RUSC1: variants seen among roughly 807,000 people sequenced by gnomAD.
RUSC1 encodes the protein RUN and SH3 domain containing 1.
Under a neutral mutation model 72.1 loss-of-function variants are expected in RUSC1, and 40 were observed. The observed-to-expected ratio is 0.55, with a 90% CI of 0.43 to 0.72. RUSC1 has a LOEUF of 0.72. Ranked by LOEUF, RUSC1 falls within the 30% of genes least tolerant of loss-of-function variation. The pLI, the probability that RUSC1 is intolerant of heterozygous loss-of-function variation, is 0.00. For missense variants in RUSC1, 1,092 were observed against 1,172.3 expected (o/e 0.93, Z 1.00); for synonymous variants, 512 against 494.2 (o/e 1.04, Z -0.48).
Position 155,325,059 on chromosome 1 carries a change from G to A in RUSC1, c.1457-43G>A. 1 of 1,614,154 alleles carries A rather than the reference G, an allele frequency of 6.2e-7. No homozygotes were observed. Among genetic ancestry groups the A allele is most frequent in the Non-Finnish European group, 8.5e-7 (1 of 1,179,990 alleles). On this transcript the variant is annotated intron_variant, in intron 3 of 9. Coordinates refer to ENST00000368352, the MANE Select transcript of RUSC1 (RefSeq NM_001105203.2). The surrounding 1 kb of genome is among the most constrained non-coding windows in gnomAD (Gnocchi z 6.5). ...CACGCCCCTCGGGCAAGCCTGGGTA[G>A]GGGCGCGGCCTCCTAGCGTCTTCCC...
Position 155,322,108 on chromosome 1 carries a change from T to C in RUSC1, c.335T>C (p.Leu112Pro), listed in dbSNP as rs1404646820. 1.9e-6 allele frequency: 3 copies of C among 1,612,176 alleles called. No homozygotes were observed. In the African/African-American group the frequency reaches 4.0e-5, roughly 22 times the overall value. ...TCCTCACTCAGCTCCTGCTCAGATC[T>C]TAGCCCCGATGAGTCCCCTGTCTCA... The part of the protein sequence containing the change: ...CSSSLSSCSD[L>P]SPDESPVSVY... The change falls in exon 2 of 10, where the codon CTT becomes CCT. Residue 112 changes from leucine (L) to proline (P), a missense_variant. By Grantham distance (98) the Leu-to-Pro change is moderately conservative. Transcript: ENST00000368352.
At chr1:155,324,110 C>A in intron 2 of RUSC1, 1 of 1,209,916 alleles carries the variant, frequency 8.3e-7, no homozygotes, top group South Asian at 1.9e-5. Flanking sequence ...GGGGTCCCAG[C>A]GAGTCTGTTG....
chr1:155,327,152 T>C lies in RUSC1; in HGVS notation c.2414+20T>C. The C allele has an allele frequency of 6.4e-7, 1 of 1,571,982 alleles. No individual in the cohort carries two copies. Among genetic ancestry groups the C allele is most frequent in the East Asian group, 2.3e-5 (1 of 44,342 alleles). The stretch of plus-strand genomic sequence containing the variant: ...GTCCAGGTAATGGGGTACCTTGTCC[T>C]TTCTATGACCTTCTGACTCTCTCAG... On this transcript the variant is annotated intron_variant, in intron 8 of 9. Coordinates refer to ENST00000368352, the MANE Select transcript of RUSC1 (RefSeq NM_001105203.2).
intron 1 of RUSC1, 179 bp from the exon 2 acceptor site, chr1:155,321,509 C>T (rs1369997377): frequency 3.4e-6 from 5 of 1,472,520 alleles, no homozygotes; most frequent in African/African-American, 2.8e-5. Flanking sequence ...TTACATTCGA[C>T]TCCATCTGCA....
Position 155,326,192 on chromosome 1 carries a change from C to A in RUSC1, c.1861+282C>A. On this transcript the variant is annotated intron_variant, in intron 7 of 9. Coordinates refer to ENST00000368352, the MANE Select transcript of RUSC1 (RefSeq NM_001105203.2). The surrounding 1 kb of genome is among the most constrained non-coding windows in gnomAD (Gnocchi z 4.7). ...GCTCCAGGGCCCTGCTTATGCTGTT[C>A]CTCTACCTTCTGCCCCTCCTGCTTC... 1.8e-6 allele frequency: 1 copy of A among 567,910 alleles called. No individual in the cohort carries two copies. Among genetic ancestry groups the A allele is most frequent in the Non-Finnish European group, 3.1e-6 (1 of 318,416 alleles). 35.2% of individuals were successfully genotyped at this position (567,910 alleles called of 1,614,324 possible).
chr1:155,328,338 G>C, intron 9 of RUSC1, 63 bp downstream of exon 9: 1 of 1,477,066 alleles, frequency 6.8e-7, no homozygotes, highest in African/African-American at 1.4e-5. Flanking sequence ...GCATGGATGG[G>C]AGGTAGTGTA....
chr1:155,321,412 C>G (rs761893688), intron 1 of RUSC1: 1 of 1,397,288 alleles, frequency 7.2e-7, no homozygotes. Context: ...CCATTCTGGG[C>G]CCGGACCTCT....
intron 2 of RUSC1, chr1:155,324,637 G>T: frequency 6.6e-7 from 1 of 1,521,012 alleles, no homozygotes; most frequent in Non-Finnish European, 8.8e-7. Flanking sequence ...ATGGGGCTGG[G>T]GGACAGCGAG....
At position 155,330,660 on chromosome 1, in the gene RUSC1, C is replaced by G. The variant is rs145621229; in HGVS notation, c.*89C>G. 1.4e-4 allele frequency: 178 copies of G among 1,302,008 alleles called. No homozygotes were observed. The East Asian group carries it at 4.4e-3, about 32-fold the overall frequency. The allele number at this position is 1,302,008 out of a possible 1,614,324, so 80.7% of individuals were successfully genotyped here. A position where few individuals can be genotyped will look rare whatever the true frequency, so the allele number is the denominator to read the frequency against. The stretch of plus-strand genomic sequence containing the variant: ...ACACCATCCCAGAAGCATTTTCCCT[C>G]TGCAAAATGACGTTTCTTCCCACGT... On this transcript the variant is annotated 3_prime_UTR_variant, in exon 10 of 10. Coordinates refer to ENST00000368352, the MANE Select transcript of RUSC1 (RefSeq NM_001105203.2).
In RUSC1 at chr1:155,324,233, C is replaced by T. The variant is rs971986503; in HGVS notation, c.1358-612C>T. 21 of 1,447,850 alleles carry T rather than the reference C, an allele frequency of 1.5e-5. No homozygotes were observed. In the African/African-American group the frequency reaches 2.7e-4, roughly 19 times the overall value. 89.7% of individuals were successfully genotyped at this position (1,447,850 alleles called of 1,614,324 possible). Reference sequence around the variant, plus strand: ...GGTGAAGCTCCCGGGAGCTCATTGGCACTAGAGGTTCTGGCCACGCCCTCT... The same window carrying T: ...GGTGAAGCTCCCGGGAGCTCATTGGTACTAGAGGTTCTGGCCACGCCCTCT... On this transcript the variant is annotated intron_variant, in intron 2 of 9. Transcript: ENST00000368352.
At position 155,326,627 on chromosome 1, in the gene RUSC1, C is replaced by G. The variant is rs1428988257; in HGVS notation, c.1909C>G (p.Arg637Gly). The G allele has an allele frequency of 6.2e-7, 1 of 1,613,970 alleles. No homozygotes were observed. Reference sequence around the variant, plus strand: ...GCCAACAGGATTTTTCTCCCTGGCCCGCGGTGGTTGTCCCTCCCTGTCCAC... The same window carrying G: ...GCCAACAGGATTTTTCTCCCTGGCCGGCGGTGGTTGTCCCTCCCTGTCCAC... ...YLPTGFFSLA[R>G]GGCPSLSTEL... is the part of the protein sequence containing the mutation. Residue 637 changes from arginine (R) to glycine (G), a missense_variant, in exon 8 of 10, where the codon CGC becomes GGC. Arg to Gly is a moderately radical substitution (Grantham distance 125). Coordinates refer to ENST00000368352, the MANE Select transcript of RUSC1 (RefSeq NM_001105203.2). This position sits in a 1 kb window ranked among gnomAD's most constrained non-coding sequence, Gnocchi z 4.7.
chr1:155,328,723 T>C (rs1306947461), intron 9 of RUSC1, among the ~76,000 whole-genome samples: 1 of 152,056 alleles, frequency 6.6e-6, no homozygotes, highest in African/African-American at 2.4e-5. Flanking sequence ...CTAAGCCTTC[T>C]GAGTAGCTGG....
intron 2 of RUSC1, 102 bp from the exon 3 acceptor site, chr1:155,324,743 G>A (rs889625424): frequency 6.3e-7 from 1 of 1,594,952 alleles, no homozygotes; most frequent in Non-Finnish European, 8.5e-7. Context: ...ACCCTTCGGG[G>A]ACACAGCACT....
Position 155,326,629 on chromosome 1 carries a change from C to T in RUSC1, c.1911C>T (p.Arg637=), listed in dbSNP as rs1362868912. Reference sequence around the variant, plus strand: ...CAACAGGATTTTTCTCCCTGGCCCGCGGTGGTTGTCCCTCCCTGTCCACAG... The same window carrying T: ...CAACAGGATTTTTCTCCCTGGCCCGTGGTGGTTGTCCCTCCCTGTCCACAG... ...YLPTGFFSLA[R]GGCPSLSTEL... The change falls in exon 8 of 10, where the codon CGC becomes CGT. Residue 637 remains arginine, a synonymous_variant. Coordinates refer to ENST00000368352, the MANE Select transcript of RUSC1 (RefSeq NM_001105203.2). The surrounding 1 kb of genome is among the most constrained non-coding windows in gnomAD (Gnocchi z 4.7). 16 of 1,614,004 alleles carry T rather than the reference C, an allele frequency of 9.9e-6. No homozygotes were observed. The highest frequency in any genetic ancestry group is 1.7e-4 in the Middle Eastern group (1 of 6,058).
In RUSC1 at chr1:155,326,310, T is replaced by G; in HGVS notation, c.1862-270T>G. The G allele has an allele frequency of 1.8e-6, 1 of 559,062 alleles. No individual in the cohort carries two copies. Among genetic ancestry groups the G allele is most frequent in the Non-Finnish European group, 3.2e-6 (1 of 314,496 alleles). The allele number at this position is 559,062 out of a possible 1,614,324, so 34.6% of individuals were successfully genotyped here. A position where few individuals can be genotyped will look rare whatever the true frequency, so the allele number is the denominator to read the frequency against. On this transcript the variant is annotated intron_variant, in intron 7 of 9. Coordinates refer to ENST00000368352, the MANE Select transcript of RUSC1 (RefSeq NM_001105203.2). This position sits in a 1 kb window ranked among gnomAD's most constrained non-coding sequence, Gnocchi z 4.7. ...CAACCCCCACGCCTCATTTTGTATGTGCTTCTATGGCTCTCCTGTCCTCCT... is the reference window on the plus strand; with the variant it reads ...CAACCCCCACGCCTCATTTTGTATGGGCTTCTATGGCTCTCCTGTCCTCCT...
At position 155,320,956 on chromosome 1, in the gene RUSC1, C is replaced by A. The variant is rs753312022; in HGVS notation, c.-122C>A. The A allele has an allele frequency of 4.4e-5, 69 of 1,559,538 alleles. No individual in the cohort carries two copies. The highest frequency in any genetic ancestry group is 3.5e-6 in the Non-Finnish European group (4 of 1,149,340). On this transcript the variant is annotated 5_prime_UTR_variant, in exon 1 of 10. Transcript: ENST00000368352. Reference sequence around the variant, plus strand: ...GGGCGGGGACCGTGGGAGCCGCGGACAAGCCCAAGGCCGGAGCGGTTCCAG... The same window carrying A: ...GGGCGGGGACCGTGGGAGCCGCGGAAAAGCCCAAGGCCGGAGCGGTTCCAG...
Position 155,326,205 on chromosome 1 carries a change from C to T in RUSC1, c.1861+295C>T. 1 of 558,102 alleles carries T rather than the reference C, an allele frequency of 1.8e-6. No homozygotes were observed. The highest frequency in any genetic ancestry group is 3.0e-5 in the East Asian group (1 of 32,854). The allele number at this position is 558,102 out of a possible 1,614,324, so 34.6% of individuals were successfully genotyped here. On this transcript the variant is annotated intron_variant, in intron 7 of 9. Transcript: ENST00000368352. This position sits in a 1 kb window ranked among gnomAD's most constrained non-coding sequence, Gnocchi z 4.7. Reference sequence around the variant, plus strand: ...GCTTATGCTGTTCCTCTACCTTCTGCCCCTCCTGCTTCCTCTGAACTATCA... The same window carrying T: ...GCTTATGCTGTTCCTCTACCTTCTGTCCCTCCTGCTTCCTCTGAACTATCA...
Position 155,326,684 on chromosome 1 carries a change from G to C in RUSC1, c.1966G>C (p.Val656Leu). Residue 656 changes from valine (V) to leucine (L), a missense_variant, in exon 8 of 10, where the codon GTG (valine) becomes CTG (leucine). Coordinates refer to ENST00000368352, the MANE Select transcript of RUSC1 (RefSeq NM_001105203.2). This position sits in a 1 kb window ranked among gnomAD's most constrained non-coding sequence, Gnocchi z 4.7. ...ELLLLLQPLS[V>L]LTFHLDLLFE... The stretch of plus-strand genomic sequence containing the variant: ...GCTGCTCCTGCTGCAGCCATTGTCG[G>C]TGCTCACTTTCCACCTGGACCTGCT... 1 of 1,613,726 alleles carries C rather than the reference G, an allele frequency of 6.2e-7. No homozygotes were observed. The highest frequency in any genetic ancestry group is 1.1e-5 in the South Asian group (1 of 91,084).
chr1:155,326,838 G>C lies in RUSC1; in HGVS notation c.2120G>C (p.Arg707Pro). The C allele has an allele frequency of 6.2e-7, 1 of 1,613,520 alleles. No individual in the cohort carries two copies. Among genetic ancestry groups the C allele is most frequent in the Non-Finnish European group, 8.5e-7 (1 of 1,180,048 alleles). ...HFGGRLAQSL[R>P]GTSKEAASDP... The stretch of plus-strand genomic sequence containing the variant: ...GGGGGCCGGCTGGCCCAGAGCCTTC[G>C]GGGGACTTCCAAGGAAGCTGCTTCA... The change falls in exon 8 of 10, where the codon CGG becomes CCG. Residue 707 changes from arginine (R) to proline (P), a missense_variant. Coordinates refer to ENST00000368352, the MANE Select transcript of RUSC1 (RefSeq NM_001105203.2). The surrounding 1 kb of genome is among the most constrained non-coding windows in gnomAD (Gnocchi z 4.7).
Sources: gnomAD v4.1 joint callset for allele counts (sites outside exome capture counted in the v4.1 genomes callset) on GRCh38, gnomAD v4.1.1 for gene constraint, Gnocchi (gnomAD v3.1) non-coding constraint, MANE v1.5 for transcripts, NCBI Gene and HGNC (gene_info 2026-07-23, HGNC 2026-07-21) for gene names.